The following PCDHGC3 variants were observed in gnomAD, a reference collection of about 807,000 sequenced individuals.
The protein encoded by PCDHGC3 is protocadherin gamma-C3.
Under a neutral mutation model 59.2 loss-of-function variants are expected in PCDHGC3, and 26 were observed. The observed-to-expected ratio is 0.44, with a 90% CI of 0.32 to 0.61. PCDHGC3 has a LOEUF of 0.61. PCDHGC3 is among the 20% of genes least tolerant of loss of function. The pLI, the probability that PCDHGC3 is intolerant of heterozygous loss-of-function variation, is 0.05. For missense variants in PCDHGC3, 1,080 were observed against 1,221.8 expected (o/e 0.88, Z 1.73); for synonymous variants, 487 against 519.7 (o/e 0.94, Z 0.86).
rs115001531 is a variant in PCDHGC3, at chr5:141,495,385, G to A, written c.2489+520G>A. Among the ~76,000 whole-genome samples the A allele has an allele frequency of 2.2e-3, 339 of 152,328 alleles. 1 individual carries two copies. Among genetic ancestry groups the A allele is most frequent in the African/African-American group, 7.9e-3 (329 of 41,590 alleles). ...AGGTGGAACTGAGGAAGGACTGGGC[G>A]GGGCATGGAGCAGGCCCCCTTCTCC... On this transcript the variant is annotated intron_variant, in intron 2 of 3. Transcript: ENST00000308177.
At chr5:141,500,930 G>A (rs1300719832) in intron 2 of PCDHGC3, among the ~76,000 whole-genome samples, 4 of 151,824 alleles carry the variant, frequency 2.6e-5, no homozygotes, top group Admixed American at 6.6e-5. Context: ...GTGCAGTGGC[G>A]CCATCTCGGC....
intron 1 of PCDHGC3, 63 bp from the exon 2 acceptor site, chr5:141,494,744 G>T: frequency 6.2e-7 from 1 of 1,612,702 alleles, no homozygotes; most frequent in South Asian, 1.1e-5. Flanking sequence ...CATCCCTAGG[G>T]GCTCGGGTGA....
Position 141,477,426 on chromosome 5 carries a change from T to G in PCDHGC3, c.1310T>G (p.Leu437Arg). 1 of 1,614,100 alleles carries G rather than the reference T, an allele frequency of 6.2e-7. No individual in the cohort carries two copies. Among genetic ancestry groups the G allele is most frequent in the East Asian group, 2.2e-5 (1 of 44,874 alleles). The stretch of plus-strand genomic sequence containing the variant: ...GCCCGAGACGCCGGAACCCCTTCCC[T>G]CTCAGCCCTTACAATAGTGCGTGTT... The part of the protein sequence containing the change: ...ITARDAGTPS[L>R]SALTIVRVQV... Residue 437 changes from leucine (L) to arginine (R), a missense_variant, in exon 1 of 4, where the codon CTC (leucine) becomes CGC (arginine). Leu to Arg is a moderately radical substitution (Grantham distance 102, BLOSUM62 -2). Coordinates refer to ENST00000308177, the MANE Select transcript of PCDHGC3 (RefSeq NM_002588.4). The surrounding 1 kb of genome is among the most constrained non-coding windows in gnomAD (Gnocchi z 4.9).
At chr5:141,510,404 G>T (rs1596286932) in intron 3 of PCDHGC3, among the ~76,000 whole-genome samples, 2 of 152,252 alleles carry the variant, frequency 1.3e-5, no homozygotes, top group East Asian at 3.9e-4. Context: ...AAAGGCTAGG[G>T]GCATGTAAAG....
Position 141,478,336 on chromosome 5 carries a change from C to T in PCDHGC3, c.2220C>T (p.Pro740=). 1.2e-6 allele frequency: 2 copies of T among 1,613,950 alleles called. No homozygotes were observed. The highest frequency in any genetic ancestry group is 2.2e-5 in the South Asian group (2 of 91,088). The change falls in exon 1 of 4, where the codon CCC becomes CCT. Residue 740 remains proline (P), a synonymous_variant. Transcript: ENST00000308177. Reference sequence around the variant, plus strand: ...GCTCACTGTACCGAACACCAGGGCCCTCCTTGCACGCGGACGCCGTGCGGG... The same window carrying T: ...GCTCACTGTACCGAACACCAGGGCCTTCCTTGCACGCGGACGCCGTGCGGG... ...PVSSLYRTPG[P]SLHADAVRGG... is the part of the protein sequence containing the mutation.
Position 141,489,765 on chromosome 5 carries a change from C to A in PCDHGC3, c.2431-5042C>A. On this transcript the variant is annotated intron_variant, in intron 1 of 3. Transcript: ENST00000308177. The surrounding 1 kb of genome is among the most constrained non-coding windows in gnomAD (Gnocchi z 4.5). ...TGAGCTTTTACACTCTAAGCCCCAA[C>A]AGCCACTTCTCTCTGAATGTGAAGA... 2.5e-6 allele frequency: 4 copies of A among 1,614,174 alleles called. No individual in the cohort carries two copies. The highest frequency in any genetic ancestry group is 3.4e-6 in the Non-Finnish European group (4 of 1,179,992).
chr5:141,483,435 A>G (rs2099581280), intron 1 of PCDHGC3, among the ~76,000 whole-genome samples: 1 of 152,180 alleles, frequency 6.6e-6, no homozygotes, highest in Admixed American at 6.5e-5. Context: ...GGAGCTGACT[A>G]CAATAAAATC....
In PCDHGC3 at chr5:141,489,750, C is replaced by A. The variant is rs753217170; in HGVS notation, c.2431-5057C>A. 1 of 1,614,098 alleles carries A rather than the reference C, an allele frequency of 6.2e-7. No individual in the cohort carries two copies. The highest frequency in any genetic ancestry group is 1.1e-5 in the South Asian group (1 of 91,080). Reference sequence around the variant, plus strand: ...TGGGCACCAATACTGTGAGCTTTTACACTCTAAGCCCCAACAGCCACTTCT... The same window carrying A: ...TGGGCACCAATACTGTGAGCTTTTAAACTCTAAGCCCCAACAGCCACTTCT... On this transcript the variant is annotated intron_variant, in intron 1 of 3. Coordinates refer to ENST00000308177, the MANE Select transcript of PCDHGC3 (RefSeq NM_002588.4). This position sits in a 1 kb window ranked among gnomAD's most constrained non-coding sequence, Gnocchi z 4.5.
chr5:141,511,002 C>T lies in PCDHGC3; in HGVS notation c.2634C>T (p.Ser878=), dbSNP rs143630962. 77 of 1,614,140 alleles carry T rather than the reference C, an allele frequency of 4.8e-5. No individual in the cohort carries two copies. Among genetic ancestry groups the T allele is most frequent in the South Asian group, 2.1e-4 (19 of 91,080 alleles). ...GGGGTGCCGGCACCATGGGATTGAG[C>T]GCCCGCTACGGACCCCAGTTCACCC... The part of the protein sequence containing the change: ...LGGGAGTMGL[S]ARYGPQFTLQ... Residue 878 remains serine (S), a synonymous_variant, in exon 4 of 4, where the codon AGC becomes AGT. Coordinates refer to ENST00000308177, the MANE Select transcript of PCDHGC3 (RefSeq NM_002588.4).
At chr5:141,499,115 C>T (rs940275925) in intron 2 of PCDHGC3, among the ~76,000 whole-genome samples, 16 of 152,124 alleles carry the variant, frequency 1.1e-4, no homozygotes, top group African/African-American at 3.9e-4. Context: ...CACCACTATC[C>T]CTTCTCAGGT....
intron 1 of PCDHGC3, chr5:141,479,478 G>T (rs760475025): frequency 2.6e-5 from 4 of 152,408 alleles, no homozygotes; most frequent in African/African-American, 9.6e-5. Context: ...TCTTGGGAGG[G>T]CAGGACCATC....
chr5:141,481,694 C>A (rs2099542163), intron 1 of PCDHGC3, among the ~76,000 whole-genome samples: 1 of 152,130 alleles, frequency 6.6e-6, no homozygotes, highest in South Asian at 2.1e-4. Flanking sequence ...TGGCTCACGC[C>A]TGTAATCCCA....
Position 141,478,133 on chromosome 5 carries a change from G to T in PCDHGC3, c.2017G>T (p.Ala673Ser), listed in dbSNP as rs769287158. 6.2e-7 allele frequency: 1 copy of T among 1,614,060 alleles called. No individual in the cohort carries two copies. Among genetic ancestry groups the T allele is most frequent in the Non-Finnish European group, 8.5e-7 (1 of 1,180,030 alleles). The change falls in exon 1 of 4, where the codon GCC becomes TCC. Residue 673 changes from alanine (A) to serine (S), a missense_variant. Physicochemically the swap from Ala to Ser is moderately conservative, Grantham distance 99. Coordinates refer to ENST00000308177, the MANE Select transcript of PCDHGC3 (RefSeq NM_002588.4). ...GTCAGTAACCGAGGACTCTCCTGAA[G>T]CCCGAGCCGAGTTCCCCTCTGGCTC... ...TVSVTEDSPE[A>S]RAEFPSGSAP...
intron 3 of PCDHGC3, among the ~76,000 whole-genome samples, chr5:141,505,698 G>A (rs1041309644): frequency 2.0e-5 from 3 of 152,280 alleles, no homozygotes; most frequent in Admixed American, 6.5e-5. Context: ...GGAGGAGAGC[G>A]AACAAGGAAA....
At chr5:141,494,938 G>A in intron 2 of PCDHGC3, 73 bp downstream of exon 2, 1 of 1,611,916 alleles carries the variant, frequency 6.2e-7, no homozygotes, top group South Asian at 1.1e-5. Context: ...AGGAGATGGG[G>A]GAGGGCCCAG....
Position 141,489,087 on chromosome 5 carries a change from T to TCAAA in PCDHGC3, c.2431-5720_2431-5719insCAAA. 4.6e-6 allele frequency: 1 copy of TCAAA among 216,106 alleles called. No individual in the cohort carries two copies. The highest frequency in any genetic ancestry group is 8.4e-6 in the Non-Finnish European group (1 of 118,736). The allele number at this position is 216,106 out of a possible 1,614,324, so 13.4% of individuals were successfully genotyped here. On this transcript the variant is annotated intron_variant, in intron 1 of 3. Coordinates refer to ENST00000308177, the MANE Select transcript of PCDHGC3 (RefSeq NM_002588.4). This position sits in a 1 kb window ranked among gnomAD's most constrained non-coding sequence, Gnocchi z 4.5. The stretch of plus-strand genomic sequence containing the variant: ...CCCCCTGCCCACCCCCGCCACTCGG[T>TCAAA]GACTAAGAACTGCTGCAAGCAGGCA...
Position 141,477,707 on chromosome 5 carries a change from C to T in PCDHGC3, c.1591C>T (p.Arg531Trp). ...AGTGCCCCTAGACTATGAGGATCGG[C>T]GGGAATTTGAATTAACAGCTCATAT... ...SLVPLDYEDR[R>W]EFELTAHISD... Residue 531 changes from arginine to tryptophan, a missense_variant, in exon 1 of 4, where the codon CGG becomes TGG. Transcript: ENST00000308177. The surrounding 1 kb of genome is among the most constrained non-coding windows in gnomAD (Gnocchi z 4.9). 6.2e-7 allele frequency: 1 copy of T among 1,613,952 alleles called. No individual in the cohort carries two copies. Among genetic ancestry groups the T allele is most frequent in the South Asian group, 1.1e-5 (1 of 91,086 alleles).
chr5:141,484,959 C>A, intron 1 of PCDHGC3: 2 of 575,576 alleles, frequency 3.5e-6, no homozygotes, highest in Non-Finnish European at 6.2e-6. Flanking sequence ...ATTGGCTGAG[C>A]CCGGGAGCCG....
In PCDHGC3 at chr5:141,477,967, C is replaced by T. The variant is rs756216038; in HGVS notation, c.1851C>T (p.Ser617=). Reference sequence around the variant, plus strand: ...GTCTCTTGGGATCCCCTAACCAGAGCCTTTTTGCCATAGGGCTGCACACTG... The same window carrying T: ...GTCTCTTGGGATCCCCTAACCAGAGTCTTTTTGCCATAGGGCTGCACACTG... The part of the protein sequence containing the change: ...SYSLLGSPNQ[S]LFAIGLHTGQ... Residue 617 remains serine, a synonymous_variant, in exon 1 of 4, where the codon AGC becomes AGT. Coordinates refer to ENST00000308177, the MANE Select transcript of PCDHGC3 (RefSeq NM_002588.4). This position sits in a 1 kb window ranked among gnomAD's most constrained non-coding sequence, Gnocchi z 4.9. The T allele has an allele frequency of 8.7e-6, 14 of 1,614,032 alleles. No individual in the cohort carries two copies. In the South Asian group the frequency reaches 1.2e-4, roughly 14 times the overall value.
Sources: gnomAD v4.1 joint callset for allele counts (sites outside exome capture counted in the v4.1 genomes callset) on GRCh38, gnomAD v4.1.1 for gene constraint, Gnocchi (gnomAD v3.1) non-coding constraint, MANE v1.5 for transcripts, NCBI Gene and HGNC (gene_info 2026-07-23, HGNC 2026-07-21) for gene names.